Variants in KCNQ5 observed in about 807,000 individuals in gnomAD.
KCNQ5 encodes the protein potassium voltage-gated channel subfamily Q member 5.
KCNQ5 carries 30 observed loss-of-function variants against 98.2 expected under a neutral mutation model. The observed-to-expected ratio is 0.31, with a 90% CI of 0.23 to 0.41. KCNQ5 has a LOEUF of 0.41. KCNQ5 is among the 10% of genes least tolerant of loss of function. The pLI is 1.00. For missense variants in KCNQ5, 835 were observed against 1,182.5 expected, an observed-to-expected ratio of 0.71 and a Z score of 4.31; for synonymous variants, 458 against 449.4, an observed-to-expected ratio of 1.02 and a Z score of -0.24.
chr6:72,798,677 T>A (rs1185232372), intron 1 of KCNQ5, among the ~76,000 whole-genome samples: 1 of 152,162 alleles, frequency 6.6e-6, no homozygotes, highest in Non-Finnish European at 1.5e-5. Flanking sequence ...TTTCAAGCAT[T>A]AGGTTTCACT....
At chr6:73,184,824 G>A (rs79366152) in intron 11 of KCNQ5, among the ~76,000 whole-genome samples, 2,451 of 152,300 alleles carry the variant, frequency 0.016, 55 homozygotes, top group African/African-American at 0.056. Flanking sequence ...TTGGTGACAG[G>A]AAAATCCAGA....
At chr6:73,045,394 A>G (rs1771915786) in intron 3 of KCNQ5, among the ~76,000 whole-genome samples, 2 of 152,312 alleles carry the variant, frequency 1.3e-5, no homozygotes, top group Non-Finnish European at 2.9e-5. Flanking sequence ...TATCTAGAAC[A>G]TAAAATTCTT....
intron 1 of KCNQ5, among the ~76,000 whole-genome samples, chr6:72,648,419 G>A (rs9442830): frequency 0.25 from 38,002 of 152,106 alleles, 6,235 homozygotes; most frequent in East Asian, 0.51. Context: ...TAATTGAAAG[G>A]AATGAATTAG....
chr6:72,772,481 A>G (rs913906738), intron 1 of KCNQ5, among the ~76,000 whole-genome samples: 6 of 152,160 alleles, frequency 3.9e-5, no homozygotes, highest in African/African-American at 1.2e-4. Context: ...CTATTCTGGT[A>G]AAATAAATAG....
intron 1 of KCNQ5, among the ~76,000 whole-genome samples, chr6:72,884,566 A>G (rs1221781269): frequency 6.6e-6 from 1 of 152,120 alleles, no homozygotes; most frequent in Non-Finnish European, 1.5e-5. Flanking sequence ...GAAACCATGT[A>G]TAGTGTTGAG....
chr6:72,744,492 C>T (rs1303605028), intron 1 of KCNQ5, among the ~76,000 whole-genome samples: 1 of 152,036 alleles, frequency 6.6e-6, no homozygotes, highest in African/African-American at 2.4e-5. Flanking sequence ...TAGGAATAGA[C>T]AGCTATACAA....
intron 1 of KCNQ5, among the ~76,000 whole-genome samples, chr6:72,874,476 G>T (rs1390693954): frequency 1.3e-5 from 2 of 152,034 alleles, no homozygotes; most frequent in Non-Finnish European, 2.9e-5. Flanking sequence ...ATGAGATTTT[G>T]CAGGAAAATT....
At chr6:72,890,869 C>G (rs1403377983) in intron 1 of KCNQ5, among the ~76,000 whole-genome samples, 1 of 152,120 alleles carries the variant, frequency 6.6e-6, no homozygotes, top group Non-Finnish European at 1.5e-5. Flanking sequence ...GTAGCCCTCC[C>G]AAGGGAGTTC....
At chr6:72,921,876 C>G (rs908318363) in intron 1 of KCNQ5, among the ~76,000 whole-genome samples, 3 of 152,096 alleles carry the variant, frequency 2.0e-5, no homozygotes, top group African/African-American at 7.2e-5. Context: ...CCCAACTTGG[C>G]TTTATGATCT....
At chr6:72,941,595 CT>C (rs139886566) in intron 1 of KCNQ5, among the ~76,000 whole-genome samples, 711 of 140,408 alleles carry the variant, frequency 5.1e-3, no homozygotes, top group Non-Finnish European at 7.7e-3. Flanking sequence ...CCCTTCCTTC[CT>C]CCCTTAATTC....
intron 1 of KCNQ5, among the ~76,000 whole-genome samples, chr6:72,972,377 T>C (rs1009788400): frequency 2.6e-5 from 4 of 152,080 alleles, no homozygotes; most frequent in Admixed American, 1.3e-4. Flanking sequence ...TTTCTTTATT[T>C]CTTCTGAAAA....
At chr6:72,899,926 A>G (rs1243454382) in intron 1 of KCNQ5, among the ~76,000 whole-genome samples, 1 of 151,608 alleles carries the variant, frequency 6.6e-6, no homozygotes, top group Non-Finnish European at 1.5e-5. Context: ...GCTCACTGCA[A>G]CCTCTGCCTC....
chr6:72,728,724 G>A (rs149420592), intron 1 of KCNQ5, among the ~76,000 whole-genome samples: 2 of 152,248 alleles, frequency 1.3e-5, no homozygotes, highest in Non-Finnish European at 2.9e-5. Context: ...GAAGCCATCA[G>A]GGTCTTCAAG....
intron 1 of KCNQ5, among the ~76,000 whole-genome samples, chr6:72,646,801 G>A (rs568554528): frequency 3.3e-5 from 5 of 152,210 alleles, no homozygotes; most frequent in East Asian, 1.9e-4. Context: ...ATCACCATCC[G>A]GCCATGTCTA....
chr6:73,082,651 C>T (rs767659855), intron 5 of KCNQ5, among the ~76,000 whole-genome samples: 7 of 152,120 alleles, frequency 4.6e-5, no homozygotes, highest in Non-Finnish European at 7.3e-5. Flanking sequence ...TCAAAGCTCA[C>T]GAAACACTAT....
chr6:72,970,565 G>T (rs987184961), intron 1 of KCNQ5, among the ~76,000 whole-genome samples: 2 of 152,140 alleles, frequency 1.3e-5, no homozygotes, highest in African/African-American at 4.8e-5. Context: ...AAAGAACAAA[G>T]CTGGAGGCAT....
chr6:73,078,929 A>T (rs1399623461), intron 5 of KCNQ5, among the ~76,000 whole-genome samples: 5 of 152,256 alleles, frequency 3.3e-5, no homozygotes, highest in African/African-American at 1.2e-4. Context: ...GACATGGGAT[A>T]TAGGAGTGCT....
At chr6:72,823,786 A>T (rs1208585743) in intron 1 of KCNQ5, among the ~76,000 whole-genome samples, 1 of 152,168 alleles carries the variant, frequency 6.6e-6, no homozygotes, top group East Asian at 1.9e-4. Context: ...AGTGAAAAAA[A>T]ATTCCGAATT....
chr6:73,109,770 G>A (rs573509488), intron 6 of KCNQ5, among the ~76,000 whole-genome samples: 56 of 152,292 alleles, frequency 3.7e-4, no homozygotes, highest in South Asian at 1.2e-3. Context: ...CTGAAAAGGA[G>A]AGATGGAAAA....
Sources: gnomAD v4.1 joint callset for allele counts (sites outside exome capture counted in the v4.1 genomes callset) on GRCh38, gnomAD v4.1.1 for gene constraint, MANE v1.5 for transcripts, NCBI Gene and HGNC (gene_info 2026-07-23, HGNC 2026-07-21) for gene names.